The following B4GALT4 variants were observed in gnomAD, a reference collection of about 807,000 sequenced individuals.
B4GALT4 encodes the protein beta-1,4-galactosyltransferase 4.
Under a neutral mutation model 37.3 loss-of-function variants are expected in B4GALT4, and 27 were observed. That is an observed-to-expected ratio of 0.72 (90% CI 0.53 to 1.00). The LOEUF is 1.00. B4GALT4 is among the 50% of genes least tolerant of loss of function. The probability of loss-of-function intolerance (pLI) is 0.00; values close to 1 mark genes in which losing one functional copy is unlikely to be tolerated. For synonymous variants in B4GALT4, 148 were observed against 154.1 expected (o/e 0.96, Z 0.29); for missense variants, 372 against 413.1 (o/e 0.90, Z 0.86).
rs2078179985 is a variant in B4GALT4 at position 119,212,250 on chromosome 3, C to G, written c.*299G>C. 1.4e-6 allele frequency: 1 copy of G among 702,644 alleles called. No individual in the cohort carries two copies. 43.5% of individuals were successfully genotyped at this position (702,644 alleles called of 1,614,324 possible). ...CAAATTTAAATAAATCTCCTTCAAC[C>G]AGAGTCCTCAAATAGCGTTCATTTT... On this transcript the variant is annotated 3_prime_UTR_variant, in exon 8 of 8. Transcript: ENST00000393765.
chr3:119,228,512 A>C (rs2078698483), intron 3 of B4GALT4, among the ~76,000 whole-genome samples: 1 of 152,258 alleles, frequency 6.6e-6, no homozygotes, highest in South Asian at 2.1e-4. Context: ...CATTTTAAGC[A>C]AGGGGAATAA....
Position 119,236,931 on chromosome 3 carries a change from G to A in B4GALT4, c.-224C>T, listed in dbSNP as rs1405242254. 6.6e-6 allele frequency: 1 copy of A among 152,156 alleles called. No individual in the cohort carries two copies. Among genetic ancestry groups the A allele is most frequent in the Non-Finnish European group, 1.5e-5 (1 of 68,032 alleles). 9.4% of individuals were successfully genotyped at this position (152,156 alleles called of 1,614,324 possible). On this transcript the variant is annotated 5_prime_UTR_variant, in exon 2 of 8. It introduces an in-frame stop codon into an upstream open reading frame of the 5' UTR. Coordinates refer to ENST00000393765, the MANE Select transcript of B4GALT4 (RefSeq NM_003778.4). ...TAAAAGTGATACTTCTCCTTGGCTT[G>A]GGGAGGAAGTGTTGCGTGGCCTGCC... is the stretch of plus-strand genomic sequence containing the variant.
intron 1 of B4GALT4, among the ~76,000 whole-genome samples, chr3:119,238,096 T>C (rs974293865): frequency 1.3e-5 from 2 of 151,816 alleles, no homozygotes; most frequent in Non-Finnish European, 2.9e-5. Context: ...TTGAAACCCC[T>C]CCTCTACTAA....
intron 6 of B4GALT4, among the ~76,000 whole-genome samples, chr3:119,217,109 T>C (rs905349661): frequency 1.3e-5 from 2 of 152,212 alleles, no homozygotes; most frequent in South Asian, 4.1e-4. Context: ...TCTTTTCAAA[T>C]GAAAGCAAAA....
In B4GALT4 at chr3:119,234,695, G is replaced by A. The variant is rs55935329; in HGVS notation, c.-146+2158C>T. 5.5e-3 allele frequency among the ~76,000 whole-genome samples: 838 copies of A among 152,298 alleles called. 9 individuals carry two copies. Among genetic ancestry groups the A allele is most frequent in the Non-Finnish European group, 9.9e-3 (675 of 68,022 alleles). ...TGGATTTATTTACACTAACATTTAAGTAATTGAGAGACCCTTAATTCTCAC... is the reference window on the plus strand; with the variant it reads ...TGGATTTATTTACACTAACATTTAAATAATTGAGAGACCCTTAATTCTCAC... On this transcript the variant is annotated intron_variant, in intron 2 of 7. Transcript: ENST00000393765.
chr3:119,217,856 A>G (rs1467378196), intron 6 of B4GALT4, among the ~76,000 whole-genome samples: 2 of 151,964 alleles, frequency 1.3e-5, no homozygotes, highest in African/African-American at 4.8e-5. Flanking sequence ...AAAAAAAAAA[A>G]AAAAAAAAAG....
intron 5 of B4GALT4, among the ~76,000 whole-genome samples, chr3:119,223,508 A>G (rs933231325): frequency 6.6e-6 from 1 of 152,232 alleles, no homozygotes; most frequent in African/African-American, 2.4e-5. Flanking sequence ...GGGAATGAAG[A>G]CACAGATGAT....
At position 119,222,750 on chromosome 3, in the gene B4GALT4, C is replaced by A. The variant is rs544882961; in HGVS notation, c.674+1308G>T. Among the ~76,000 whole-genome samples the A allele has an allele frequency of 1.4e-4, 22 of 152,330 alleles. 1 individual carries two copies. The highest frequency in any genetic ancestry group is 5.3e-4 in the African/African-American group (22 of 41,580). On this transcript the variant is annotated intron_variant, in intron 5 of 7. Transcript: ENST00000393765. ...CATGTCTTGGAACTCTGCTGAGAAG[C>A]TCTTGTTGTTCCACAAGATTAAGGT...
Position 119,230,336 on chromosome 3 carries a change from T to C in B4GALT4, c.-145-92A>G, listed in dbSNP as rs1366310982. On this transcript the variant is annotated intron_variant, in intron 2 of 7. Transcript: ENST00000393765. ...GCACAAACTGAAAACCCATCCCCGA[T>C]GGACCTTGACTAACCGTAATGGTAG... 4 of 561,346 alleles carry C rather than the reference T, an allele frequency of 7.1e-6. No individual in the cohort carries two copies. In the Admixed American group the frequency reaches 1.0e-4, roughly 14 times the overall value. The allele number at this position is 561,346 out of a possible 1,614,324, so 34.8% of individuals were successfully genotyped here. A position where few individuals can be genotyped will look rare whatever the true frequency, so the allele number is the denominator to read the frequency against.
At chr3:119,220,463 A>G (rs2078415884) in intron 5 of B4GALT4, among the ~76,000 whole-genome samples, 1 of 152,270 alleles carries the variant, frequency 6.6e-6, no homozygotes, top group Admixed American at 6.5e-5. Flanking sequence ...CCCCGCCCTC[A>G]GAGTTTATAA....
chr3:119,223,635 A>G (rs1032382677), intron 5 of B4GALT4, among the ~76,000 whole-genome samples: 6 of 152,076 alleles, frequency 3.9e-5, no homozygotes, highest in Non-Finnish European at 1.5e-5. Context: ...ATACTCTAGA[A>G]AGAGGCCACA....
chr3:119,224,545 A>C (rs994386113), intron 4 of B4GALT4, among the ~76,000 whole-genome samples: 7 of 152,246 alleles, frequency 4.6e-5, no homozygotes, highest in Non-Finnish European at 1.0e-4. Context: ...GATTGATTTC[A>C]TAAATACACT....
intron 6 of B4GALT4, among the ~76,000 whole-genome samples, chr3:119,217,842 C>CAAAA (rs57522373): frequency 5.7e-5 from 5 of 87,802 alleles, no homozygotes; most frequent in African/African-American, 1.4e-4. Context: ...GACTTTGTCT[C>CAAAA]AAAAAAAAAA....
At chr3:119,239,558 G>A (rs1202421302) in intron 1 of B4GALT4, among the ~76,000 whole-genome samples, 1 of 152,150 alleles carries the variant, frequency 6.6e-6, no homozygotes, top group Non-Finnish European at 1.5e-5. Flanking sequence ...TCGGCTTAAA[G>A]TAGATACTAA....
intron 5 of B4GALT4, among the ~76,000 whole-genome samples, chr3:119,223,371 A>G (rs1032744621): frequency 2.0e-5 from 3 of 152,194 alleles, no homozygotes; most frequent in African/African-American, 7.2e-5. Flanking sequence ...CAAATGAGGG[A>G]ATATAGTGTT....
Position 119,219,229 on chromosome 3 carries a change from G to T in B4GALT4, c.675-457C>A, listed in dbSNP as rs557890682. 3.8e-4 allele frequency among the ~76,000 whole-genome samples: 58 copies of T among 152,196 alleles called. No homozygotes were observed. The Middle Eastern group carries it at 0.014, about 36-fold the overall frequency. On this transcript the variant is annotated intron_variant, in intron 5 of 7. Coordinates refer to ENST00000393765, the MANE Select transcript of B4GALT4 (RefSeq NM_003778.4). ...TTCACTTTCACTTTTGCAGGGGAGG[G>T]TTGAAGGCAGGAGACAGCTCCCGCA...
chr3:119,237,892 T>C (rs1271798288), intron 1 of B4GALT4, among the ~76,000 whole-genome samples: 1 of 152,194 alleles, frequency 6.6e-6, no homozygotes, highest in Admixed American at 6.5e-5. Context: ...TGATGGGACA[T>C]ATGCTTTCAT....
At chr3:119,223,549 G>A (rs2078510358) in intron 5 of B4GALT4, among the ~76,000 whole-genome samples, 1 of 152,166 alleles carries the variant, frequency 6.6e-6, no homozygotes, top group Non-Finnish European at 1.5e-5. Flanking sequence ...GTGGCTTTGA[G>A]AGAAATGAAC....
At position 119,212,512 on chromosome 3, in the gene B4GALT4, G is replaced by A; in HGVS notation, c.*37C>T. The A allele has an allele frequency of 1.9e-6, 3 of 1,550,762 alleles. No individual in the cohort carries two copies. The South Asian group carries it at 3.8e-5, about 19-fold the overall frequency. On this transcript the variant is annotated 3_prime_UTR_variant, in exon 8 of 8. Transcript: ENST00000393765. Reference sequence around the variant, plus strand: ...CTAGGCCAAAATTATTGCAAACAAAGAATCAGTTCTTCCAAACATCACCAA... The same window carrying A: ...CTAGGCCAAAATTATTGCAAACAAAAAATCAGTTCTTCCAAACATCACCAA...
Sources: gnomAD v4.1 joint callset for allele counts (sites outside exome capture counted in the v4.1 genomes callset) on GRCh38, gnomAD v4.1.1 for gene constraint, MANE v1.5 for transcripts, NCBI Gene and HGNC (gene_info 2026-07-23, HGNC 2026-07-21) for gene names.